Variants in TEAD2 observed in about 807,000 individuals in gnomAD.
TEAD2 encodes transcriptional enhancer factor TEF-4.
TEAD2 carries 51 observed loss-of-function variants against 61.4 expected under a neutral mutation model. That is an observed-to-expected ratio of 0.83 (90% confidence interval 0.66 to 1.05). The LOEUF (loss-of-function observed/expected upper bound fraction) is 1.05. TEAD2 is among the 50% of genes least tolerant of loss of function. TEAD2 has a pLI of 0.00. For missense variants in TEAD2, 509 were observed against 600.0 expected, an observed-to-expected ratio of 0.85 and a Z score of 1.58; for synonymous variants, 244 against 243.2, an observed-to-expected ratio of 1.00 and a Z score of -0.03.
Position 49,341,270 on chromosome 19 carries a change from A to G in TEAD2, c.*54T>C. 6.9e-7 allele frequency: 1 copy of G among 1,452,912 alleles called. No homozygotes were observed. The highest frequency in any genetic ancestry group is 9.7e-7 in the Non-Finnish European group (1 of 1,035,586). The allele number at this position is 1,452,912 out of a possible 1,614,324, so 90.0% of individuals were successfully genotyped here. A position where few individuals can be genotyped will look rare whatever the true frequency, so the allele number is the denominator to read the frequency against. On this transcript the variant is annotated 3_prime_UTR_variant, in exon 13 of 13. Transcript: ENST00000593945. This position sits in a 1 kb window ranked among gnomAD's most constrained non-coding sequence, Gnocchi z 4.2. Reference sequence around the variant, plus strand: ...TAAGAAGCATGAGGTGAGCTGGAGGACCCTCCCTGGGAGGAGGGTGTTCTG... The same window carrying G: ...TAAGAAGCATGAGGTGAGCTGGAGGGCCCTCCCTGGGAGGAGGGTGTTCTG...
chr19:49,348,801 G>C lies in TEAD2; in HGVS notation c.649C>G (p.Pro217Ala). 1.2e-6 allele frequency: 2 copies of C among 1,608,620 alleles called. No individual in the cohort carries two copies. Among genetic ancestry groups the C allele is most frequent in the Non-Finnish European group, 1.7e-6 (2 of 1,177,950 alleles). The change falls in exon 9 of 13, where the codon CCA (proline) becomes GCA (alanine). Residue 217 changes from proline (P) to alanine (A), a missense_variant. Physicochemically the swap from Pro to Ala is conservative, Grantham distance 27 (BLOSUM62 -1). Transcript: ENST00000593945. ...QALSPLPPPTPSPPAWQARGL... is the reference protein window; with the variant it reads ...QALSPLPPPTASPPAWQARGL... ...CGAGCCTGCCAGGCTGGGGGCGATG[G>C]GGTAGGTGGGGGCAGGGGTGAGAGG...
chr19:49,346,970 G>C (rs1277989577), intron 10 of TEAD2, among the ~76,000 whole-genome samples: 3 of 152,210 alleles, frequency 2.0e-5, no homozygotes, highest in Non-Finnish European at 4.4e-5. Flanking sequence ...GCAATGTCTA[G>C]TGGGATCCAG....
chr19:49,343,028 C>T (rs1247124004), intron 11 of TEAD2, among the ~76,000 whole-genome samples: 1 of 152,184 alleles, frequency 6.6e-6, no homozygotes, highest in Non-Finnish European at 1.5e-5. Context: ...AGTCTCTATA[C>T]TACACATTAC....
At chr19:49,356,315 G>A (rs763436080) in intron 4 of TEAD2, 9 of 164,398 alleles carry the variant, frequency 5.5e-5, no homozygotes, top group Non-Finnish European at 1.1e-4. Flanking sequence ...ACAGAAGGTC[G>A]AGAACAGACC....
chr19:49,362,191 A>T (rs1369766315), intron 1 of TEAD2, 142 bp downstream of exon 1: 1 of 152,756 alleles, frequency 6.5e-6, no homozygotes, highest in Non-Finnish European at 1.5e-5. Flanking sequence ...CTCCGGCCAG[A>T]GTTCCCACTC....
At chr19:49,361,305 G>A (rs1972905855) in intron 1 of TEAD2, 1 of 150,152 alleles carries the variant, frequency 6.7e-6, no homozygotes, top group South Asian at 2.1e-4. Context: ...GGGGACCAGA[G>A]ACCCAGAGAG....
chr19:49,346,184 A>T (rs1164808373), intron 10 of TEAD2, among the ~76,000 whole-genome samples: 36 of 146,312 alleles, frequency 2.5e-4, no homozygotes, highest in African/African-American at 9.3e-4. Flanking sequence ...AAAAAAAAAA[A>T]ACAATAAAAG....
intron 1 of TEAD2, 23 bp from the exon 2 acceptor site, chr19:49,360,104 A>C: frequency 1.9e-6 from 3 of 1,579,982 alleles, no homozygotes; most frequent in Non-Finnish European, 2.6e-6. Context: ...AGAACTCAGC[A>C]AGCTTCCCCC....
intron 11 of TEAD2, 63 bp from the exon 12 acceptor site, chr19:49,342,653 A>G: frequency 1.3e-6 from 2 of 1,582,820 alleles, no homozygotes; most frequent in Admixed American, 1.7e-5. Context: ...CACCCCAGGA[A>G]TTGAGCTCCA....
intron 8 of TEAD2, among the ~76,000 whole-genome samples, chr19:49,349,411 C>T (rs962383481): frequency 1.1e-4 from 16 of 150,756 alleles, no homozygotes; most frequent in Admixed American, 2.0e-4. Flanking sequence ...TGCAGTGAGC[C>T]GAGATTGCGC....
intron 8 of TEAD2, among the ~76,000 whole-genome samples, chr19:49,350,871 G>A (rs552629711): frequency 9.5e-4 from 145 of 152,078 alleles, no homozygotes; most frequent in Non-Finnish European, 1.8e-3. Context: ...CTCAAAGCTG[G>A]GCTTCAGTAA....
chr19:49,354,575 CAT>C (rs1004825429), intron 7 of TEAD2, among the ~76,000 whole-genome samples: 1 of 151,528 alleles, frequency 6.6e-6, no homozygotes, highest in Non-Finnish European at 1.5e-5. Context: ...AGGCTACAAA[CAT>C]ATCCCGTCAC....
At chr19:49,357,523 T>A in intron 3 of TEAD2, 1 of 601,646 alleles carries the variant, frequency 1.7e-6, no homozygotes, top group Non-Finnish European at 3.0e-6. Context: ...ACCCATCCCA[T>A]CCAGGCCTCC....
At chr19:49,352,768 G>A (rs923009403) in intron 7 of TEAD2, among the ~76,000 whole-genome samples, 11 of 152,112 alleles carry the variant, frequency 7.2e-5, no homozygotes, top group South Asian at 2.1e-4. Context: ...TCGAACTCCT[G>A]ACCTCAAATG....
In TEAD2 at chr19:49,359,263, C is replaced by T. The variant is rs967640413; in HGVS notation, c.297+172G>A. 1.3e-5 allele frequency: 9 copies of T among 674,654 alleles called. No homozygotes were observed. Among genetic ancestry groups the T allele is most frequent in the Admixed American group, 9.7e-5 (4 of 41,076 alleles). The allele number at this position is 674,654 out of a possible 1,614,324, so 41.8% of individuals were successfully genotyped here. ...AAAAAATAAACAAATACATAAATAA[C>T]CCAGCCTCGGGTAATTCTTTATAGC... On this transcript the variant is annotated intron_variant, in intron 3 of 12. Coordinates refer to ENST00000593945, the MANE Select transcript of TEAD2 (RefSeq NM_001256660.2). The surrounding 1 kb of genome is among the most constrained non-coding windows in gnomAD (Gnocchi z 4.1).
intron 8 of TEAD2, among the ~76,000 whole-genome samples, chr19:49,350,348 C>T (rs1023296241): frequency 1.3e-5 from 2 of 152,118 alleles, no homozygotes; most frequent in African/African-American, 4.8e-5. Flanking sequence ...GAGACAGAGT[C>T]TTGCTCTGTC....
chr19:49,361,573 C>G (rs1276183567), intron 1 of TEAD2: 1 of 152,216 alleles, frequency 6.6e-6, no homozygotes, highest in Non-Finnish European at 1.5e-5. Flanking sequence ...GCTTGCCGGC[C>G]AGGGCGACTC....
chr19:49,340,780 T>TAA lies in TEAD2; in HGVS notation c.*542_*543dup, dbSNP rs11418227. ...CCCACTTATAAATATCTCGTTATAT[T>TAA]AAAAAAAAAAAAAATGTCCAGGGCC... On this transcript the variant is annotated 3_prime_UTR_variant, in exon 13 of 13. Transcript: ENST00000593945. The TAA allele has an allele frequency of 0.016, 2,746 of 173,724 alleles. 70 individuals are homozygous for TAA. The highest frequency in any genetic ancestry group is 0.054 in the African/African-American group (2,140 of 39,404). 10.8% of individuals were successfully genotyped at this position (173,724 alleles called of 1,614,324 possible).
Position 49,359,070 on chromosome 19 carries a change from C to T in TEAD2, c.297+365G>A, listed in dbSNP as rs1272469928. On this transcript the variant is annotated intron_variant, in intron 3 of 12. Coordinates refer to ENST00000593945, the MANE Select transcript of TEAD2 (RefSeq NM_001256660.2). This position sits in a 1 kb window ranked among gnomAD's most constrained non-coding sequence, Gnocchi z 4.1. ...CCTGGACAACATGGTGAAACCCCAT[C>T]TCTACTAAAAATACAAAATTACCCA... 6.6e-6 allele frequency among the ~76,000 whole-genome samples: 1 copy of T among 151,994 alleles called. No homozygotes were observed. The highest frequency in any genetic ancestry group is 1.5e-5 in the Non-Finnish European group (1 of 68,016).
Sources: gnomAD v4.1 joint callset for allele counts (sites outside exome capture counted in the v4.1 genomes callset) on GRCh38, gnomAD v4.1.1 for gene constraint, Gnocchi (gnomAD v3.1) non-coding constraint, MANE v1.5 for transcripts, NCBI Gene and HGNC (gene_info 2026-07-23, HGNC 2026-07-21) for gene names.